Variants in PTPN5 observed in about 807,000 individuals in gnomAD.
The protein encoded by PTPN5 is protein tyrosine phosphatase non-receptor type 5, also known as tyrosine-protein phosphatase non-receptor type 5.
In PTPN5, 29 loss-of-function variants were observed where a neutral mutation model predicts 73.9. That is an observed-to-expected ratio of 0.39 (90% CI 0.29 to 0.54). The LOEUF is 0.54. Among genes scored for constraint, PTPN5 ranks in the 20% least tolerant of loss-of-function variants. The pLI is 0.65. For synonymous variants in PTPN5, 267 were observed against 304.7 expected (o/e 0.88, Z 1.29); for missense variants, 652 against 751.4 (o/e 0.87, Z 1.55).
chr11:18,789,725 A>G (rs1851826135), intron 1 of PTPN5, among the ~76,000 whole-genome samples: 1 of 152,210 alleles, frequency 6.6e-6, no homozygotes, highest in Non-Finnish European at 1.5e-5. Context: ...GTTCTCACTC[A>G]TAAGTGAGAG....
intron 1 of PTPN5, among the ~76,000 whole-genome samples, chr11:18,790,549 G>A (rs944384525): frequency 1.3e-5 from 2 of 152,160 alleles, no homozygotes; most frequent in African/African-American, 2.4e-5. Flanking sequence ...TGAGTGTTAT[G>A]AGAGCTCTCC....
chr11:18,792,253 G>C (rs1346995160), upstream of PTPN5: 1 of 152,504 alleles, frequency 6.6e-6, no homozygotes, highest in Non-Finnish European at 1.5e-5. Flanking sequence ...AGAGTTGGGG[G>C]AGGGAGTCGG....
chr11:18,743,610 C>A, intron 4 of PTPN5, 181 bp from the exon 5 acceptor site: 1 of 613,294 alleles, frequency 1.6e-6, no homozygotes, highest in African/African-American at 1.8e-5. Flanking sequence ...TCAGGACTCT[C>A]CTTGGAGAAA....
At position 18,733,595 on chromosome 11, in the gene PTPN5, G is replaced by C. The variant is rs368123191; in HGVS notation, c.1041C>G (p.Asp347Glu). 6.2e-7 allele frequency: 1 copy of C among 1,614,080 alleles called. No individual in the cohort carries two copies. Among genetic ancestry groups the C allele is most frequent in the Admixed American group, 1.7e-5 (1 of 60,008 alleles). Reference protein sequence around the residue: ...SRVCLTSPDPDDPLSSYINAN... With the variant: ...SRVCLTSPDPEDPLSSYINAN... ...CATTGATGTAGGAACTCAGAGGGTCGTCAGGGTCTGGTGAGGTCAGACACA... is the reference window on the plus strand; with the variant it reads ...CATTGATGTAGGAACTCAGAGGGTCCTCAGGGTCTGGTGAGGTCAGACACA... Residue 347 changes from aspartate to glutamate, a missense_variant, in exon 10 of 15, where the codon GAC becomes GAG. By Grantham distance (45) the Asp-to-Glu change is conservative (BLOSUM62 2). Around this residue, in one of 3 missense-constraint regions of PTPN5, gnomAD observed 529 missense variants for 573.9 expected, o/e 0.92. Transcript: ENST00000358540. The surrounding 1 kb of genome is among the most constrained non-coding windows in gnomAD (Gnocchi z 4.3).
chr11:18,759,422 GA>G (rs1258458111), intron 3 of PTPN5, among the ~76,000 whole-genome samples: 1 of 152,190 alleles, frequency 6.6e-6, no homozygotes, highest in Non-Finnish European at 1.5e-5. Flanking sequence ...GCTGGGATTT[GA>G]ACCCAGCTGC....
In PTPN5 at chr11:18,729,545, G is replaced by A. The variant is rs374118709; in HGVS notation, c.1512C>T (p.Gly504=). ...VHCSAGIGRT[G]CFIATSICCQ... ...AGCAGATGCTGGTGGCAATGAAGCA[G>A]CCGGTCCTCCCAATCCCTGCACTGA... The change falls in exon 14 of 15, where the codon GGC becomes GGT. Residue 504 remains glycine (G), a synonymous_variant. Transcript: ENST00000358540. The surrounding 1 kb of genome is among the most constrained non-coding windows in gnomAD (Gnocchi z 5.2). 17 of 1,597,884 alleles carry A rather than the reference G, an allele frequency of 1.1e-5. No homozygotes were observed. In the African/African-American group the frequency reaches 2.0e-4, roughly 19 times the overall value.
At chr11:18,790,320 G>A (rs1474748793) in intron 1 of PTPN5, among the ~76,000 whole-genome samples, 1 of 152,144 alleles carries the variant, frequency 6.6e-6, no homozygotes, top group African/African-American at 2.4e-5. Context: ...GGTTGGAGTA[G>A]AAGATCTGGC....
chr11:18,746,162 A>AATATATATAT (rs773490900), intron 3 of PTPN5, among the ~76,000 whole-genome samples: 2,383 of 67,432 alleles, frequency 0.035, 93 homozygotes, highest in Non-Finnish European at 0.043. Context: ...TATAAATATA[A>AATATATATAT]ATATATATAT....
chr11:18,783,343 G>T (rs1439049730), intron 1 of PTPN5, among the ~76,000 whole-genome samples: 1 of 152,224 alleles, frequency 6.6e-6, no homozygotes, highest in African/African-American at 2.4e-5. Flanking sequence ...GAACGCTACT[G>T]CTGCTACTAT....
At chr11:18,773,543 G>C (rs1005673717) in intron 1 of PTPN5, among the ~76,000 whole-genome samples, 3 of 152,166 alleles carry the variant, frequency 2.0e-5, no homozygotes, top group Non-Finnish European at 4.4e-5. Context: ...GGGTATCTCA[G>C]CTATAATCAG....
In PTPN5 at chr11:18,728,748, T is replaced by A; in HGVS notation, c.*186A>T. The A allele has an allele frequency of 1.8e-6, 1 of 559,336 alleles. No individual in the cohort carries two copies. The highest frequency in any genetic ancestry group is 3.0e-6 in the Non-Finnish European group (1 of 334,660). 34.6% of individuals were successfully genotyped at this position (559,336 alleles called of 1,614,324 possible). A position where few individuals can be genotyped will look rare whatever the true frequency, so the allele number is the denominator to read the frequency against. On this transcript the variant is annotated 3_prime_UTR_variant, in exon 15 of 15. Transcript: ENST00000358540. This position sits in a 1 kb window ranked among gnomAD's most constrained non-coding sequence, Gnocchi z 4.1. ...GTCCCTTCCCGACCCTGCCCCCCAC[T>A]CCCCAATATGTACAGTAGGAAGAGC... is the stretch of plus-strand genomic sequence containing the variant.
chr11:18,755,541 G>C (rs561830384), intron 3 of PTPN5, among the ~76,000 whole-genome samples: 1 of 150,412 alleles, frequency 6.6e-6, no homozygotes, highest in African/African-American at 2.4e-5. Context: ...GAGGATGCGG[G>C]TTGCCCTGCT....
chr11:18,747,463 T>C (rs1055253229), intron 3 of PTPN5, among the ~76,000 whole-genome samples: 1 of 152,172 alleles, frequency 6.6e-6, no homozygotes. Context: ...TATTAAGATA[T>C]ATGGGTGTTC....
chr11:18,764,955 G>A (rs186829845), intron 3 of PTPN5, among the ~76,000 whole-genome samples: 4 of 152,208 alleles, frequency 2.6e-5, no homozygotes, highest in Admixed American at 6.5e-5. Flanking sequence ...CTCGTGATCT[G>A]CCCGCCTTGG....
chr11:18,743,791 T>C, intron 4 of PTPN5: 1 of 595,320 alleles, frequency 1.7e-6, no homozygotes, highest in Non-Finnish European at 2.8e-6. Context: ...ATTCTTAGGT[T>C]AGGGAGGCAG....
At chr11:18,764,705 T>C (rs111919139) in intron 3 of PTPN5, among the ~76,000 whole-genome samples, 2,439 of 148,770 alleles carry the variant, frequency 0.016, 50 homozygotes, top group African/African-American at 0.06. Flanking sequence ...TGTCTTTGTT[T>C]TGTTTTGTTT....
chr11:18,762,240 G>A (rs11024787), intron 3 of PTPN5, among the ~76,000 whole-genome samples: 37,563 of 152,096 alleles, frequency 0.25, 5,107 homozygotes, highest in African/African-American at 0.33. Context: ...GTGTGGGAAC[G>A]AATGAGCCAC....
chr11:18,772,096 T>C, intron 1 of PTPN5, 25 bp from the exon 2 acceptor site: 1 of 609,348 alleles, frequency 1.6e-6, no homozygotes. Flanking sequence ...CAAAGAGAGA[T>C]TAAGTGACTA....
chr11:18,748,517 AT>A (rs1849739062), intron 3 of PTPN5, among the ~76,000 whole-genome samples: 1 of 151,984 alleles, frequency 6.6e-6, no homozygotes, highest in Admixed American at 6.6e-5. Context: ...TTATTTAGAT[AT>A]TTTTCTGGGT....
Sources: allele counts gnomAD v4.1 joint callset (sites outside exome capture counted in the v4.1 genomes callset), GRCh38; gene constraint gnomAD v4.1.1; regional missense constraint gnomAD v4.1.1; non-coding constraint Gnocchi (gnomAD v3.1); transcripts MANE v1.5; gene names NCBI Gene and HGNC (gene_info 2026-07-23, HGNC 2026-07-21).